RIGI: variants seen among roughly 807,000 people sequenced by gnomAD.
RIGI encodes RNA sensor RIG-I.
chr9:32,517,011 G>T, the RIGI span, among the ~76,000 whole-genome samples: 1 of 152,188 alleles, frequency 6.6e-6, no homozygotes, highest in Admixed American at 6.5e-5. Flanking sequence ...ATATTCTTTT[G>T]TACTACGTTT....
the RIGI span, chr9:32,485,441 A>G: frequency 6.2e-6 from 4 of 649,346 alleles, no homozygotes; most frequent in African/African-American, 3.7e-5. Flanking sequence ...GGTCCAGATG[A>G]TACAACAAAT....
At chr9:32,488,971 A>G in the RIGI span, 1 of 1,133,660 alleles carries the variant, frequency 8.8e-7, no homozygotes, top group Non-Finnish European at 1.2e-6. Context: ...TGGCTCTTCT[A>G]ATACCACTGA....
At chr9:32,459,452 T>G in the RIGI span, 559,800 of 1,612,956 alleles carry the variant, frequency 0.35, 98,776 homozygotes, top group East Asian at 0.44. Flanking sequence ...CCTTATCAGG[T>G]ACAGGTTTTG....
the RIGI span, among the ~76,000 whole-genome samples, chr9:32,485,855 G>A: frequency 2.0e-5 from 3 of 152,064 alleles, no homozygotes; most frequent in Admixed American, 6.6e-5. Flanking sequence ...GCTTCTTACT[G>A]TGGCTGTCCT....
the RIGI span, among the ~76,000 whole-genome samples, chr9:32,505,183 A>C: frequency 6.6e-6 from 1 of 151,030 alleles, no homozygotes; most frequent in East Asian, 1.9e-4. Context: ...GAAAAACTTT[A>C]TCAATCTAAT....
At chr9:32,483,363 T>A in the RIGI span, among the ~76,000 whole-genome samples, 3 of 152,154 alleles carry the variant, frequency 2.0e-5, no homozygotes, top group Admixed American at 2.0e-4. Flanking sequence ...CAACAGGTAC[T>A]GATTGAACCT....
At chr9:32,501,642 A>G in the RIGI span, among the ~76,000 whole-genome samples, 1 of 152,198 alleles carries the variant, frequency 6.6e-6, no homozygotes, top group Non-Finnish European at 1.5e-5. Context: ...AGTAATAAAA[A>G]TGCTACCATG....
At chr9:32,464,444 C>T in the RIGI span, among the ~76,000 whole-genome samples, 2 of 152,106 alleles carry the variant, frequency 1.3e-5, no homozygotes, top group African/African-American at 4.8e-5. Flanking sequence ...GGCTGGAGTG[C>T]AGTGGCGCGA....
chr9:32,460,257 G>A, the RIGI span, among the ~76,000 whole-genome samples: 5 of 152,084 alleles, frequency 3.3e-5, no homozygotes, highest in Admixed American at 6.6e-5. Context: ...TCCCAATCTC[G>A]GTTATGTCTT....
At chr9:32,496,811 A>G in the RIGI span, among the ~76,000 whole-genome samples, 5 of 152,198 alleles carry the variant, frequency 3.3e-5, no homozygotes, top group Non-Finnish European at 5.9e-5. Context: ...AGTTTTCCCA[A>G]CAACATTTGC....
chr9:32,508,988 G>T, the RIGI span, among the ~76,000 whole-genome samples: 384 of 152,276 alleles, frequency 2.5e-3, 2 homozygotes, highest in Non-Finnish European at 4.0e-3. Flanking sequence ...CCACCAGGAA[G>T]TTCAAACTGG....
the RIGI span, among the ~76,000 whole-genome samples, chr9:32,497,556 G>A: frequency 6.6e-6 from 1 of 152,190 alleles, no homozygotes; most frequent in Non-Finnish European, 1.5e-5. Context: ...GACCATCCTG[G>A]TTAACACGGT....
At chr9:32,466,474 TTGACTTAAAGCTCTGATATAATC>T in the RIGI span, 3 of 1,557,334 alleles carry the variant, frequency 1.9e-6, no homozygotes, top group African/African-American at 1.4e-5. Context: ...GTTGGTGTTT[TTGACTTAAAGCTCTGATATAATC>T]TGCAAATAGG....
the RIGI span, among the ~76,000 whole-genome samples, chr9:32,461,800 T>C: frequency 6.6e-6 from 1 of 152,194 alleles, no homozygotes; most frequent in Non-Finnish European, 1.5e-5. Flanking sequence ...CCCATTTTTA[T>C]TTTTCTAGAA....
the RIGI span, among the ~76,000 whole-genome samples, chr9:32,520,897 G>A: frequency 6.0e-5 from 9 of 150,934 alleles, no homozygotes; most frequent in African/African-American, 2.2e-4. Flanking sequence ...TGTAATCCCA[G>A]CACTTTGGGA....
At chr9:32,508,419 GGATA>G in the RIGI span, among the ~76,000 whole-genome samples, 1 of 151,664 alleles carries the variant, frequency 6.6e-6, no homozygotes, top group Non-Finnish European at 1.5e-5. Context: ...CACTGGGACT[GGATA>G]GACAGTGGGT....
the RIGI span, chr9:32,498,196 G>A: frequency 2.7e-5 from 12 of 443,090 alleles, no homozygotes; most frequent in South Asian, 1.9e-4. Flanking sequence ...TGCAGTGAGA[G>A]TTTTCATGTC....
the RIGI span, among the ~76,000 whole-genome samples, chr9:32,470,877 A>G: frequency 6.6e-6 from 1 of 152,386 alleles, no homozygotes; most frequent in Admixed American, 6.5e-5. Flanking sequence ...AGTTTAACCC[A>G]TTCGATAAAA....
the RIGI span, chr9:32,466,186 G>T: frequency 8.4e-7 from 1 of 1,191,484 alleles, no homozygotes; most frequent in Non-Finnish European, 1.2e-6. Context: ...ACTTTTTGTT[G>T]TAATATAACA....
Sources: gnomAD v4.1 joint callset for allele counts (sites outside exome capture counted in the v4.1 genomes callset) on GRCh38, gnomAD v4.1.1 for gene constraint, MANE v1.5 for transcripts, NCBI Gene and HGNC (gene_info 2026-07-23, HGNC 2026-07-21) for gene names.